Variants in PDE1C observed in about 807,000 individuals in gnomAD.
PDE1C encodes the protein phosphodiesterase 1C, also known as dual specificity calcium/calmodulin-dependent 3',5'-cyclic nucleotide phosphodiesterase 1C.
A neutral mutation model predicts 93.1 loss-of-function variants in PDE1C; 62 were observed. The observed-to-expected ratio is 0.67, with a 90% confidence interval of 0.54 to 0.82. The LOEUF (loss-of-function observed/expected upper bound fraction) is 0.82, where lower values mean the gene tolerates loss of function less well. PDE1C is among the 40% of genes least tolerant of loss of function. PDE1C has a pLI of 0.00. For missense variants in PDE1C, 742 were observed against 884.6 expected, an observed-to-expected ratio of 0.84 and a Z score of 2.04; for synonymous variants, 325 against 310.1, an observed-to-expected ratio of 1.05 and a Z score of -0.50.
chr7:31,970,000 G>C (rs1388669750), intron 2 of PDE1C, among the ~76,000 whole-genome samples: 1 of 152,130 alleles, frequency 6.6e-6, no homozygotes, highest in Admixed American at 6.5e-5. Context: ...TGTGGGGTTG[G>C]GGGAGTGGGG....
intron 2 of PDE1C, among the ~76,000 whole-genome samples, chr7:32,192,672 T>C (rs745345472): frequency 8.5e-5 from 13 of 152,148 alleles, no homozygotes; most frequent in Non-Finnish European, 1.8e-4. Flanking sequence ...TTCTACTTCC[T>C]ACGATTTTCT....
At chr7:32,399,946 G>A (rs117507546) in intron 1 of PDE1C, among the ~76,000 whole-genome samples, 2,054 of 152,206 alleles carry the variant, frequency 0.013, 28 homozygotes, top group Middle Eastern at 0.024. Flanking sequence ...TATATTGTGG[G>A]TTAGGGCTTC....
At chr7:31,735,204 G>A in the PDE1C span, among the ~76,000 whole-genome samples, 1 of 152,154 alleles carries the variant, frequency 6.6e-6, no homozygotes, top group African/African-American at 2.4e-5. Context: ...TTTGAGACCA[G>A]CCTGACCAAC....
At chr7:31,680,080 C>T in the PDE1C span, among the ~76,000 whole-genome samples, 29 of 152,308 alleles carry the variant, frequency 1.9e-4, no homozygotes, top group African/African-American at 7.0e-4. Flanking sequence ...ATATTTTCAG[C>T]ATGTGTCTCA....
chr7:32,420,553 CAA>C (rs35712470), intron 1 of PDE1C, among the ~76,000 whole-genome samples: 1 of 136,026 alleles, frequency 7.4e-6, no homozygotes. Context: ...GGCTCCATCT[CAA>C]AAAAAAAAGG....
chr7:32,237,278 AG>A (rs146580256), intron 1 of PDE1C, among the ~76,000 whole-genome samples: 15,928 of 149,968 alleles, frequency 0.11, 901 homozygotes, highest in East Asian at 0.13. Flanking sequence ...TAATAGAGAC[AG>A]GGTTTCACAG....
At chr7:31,767,881 C>A (rs1426520506) in intron 17 of PDE1C, among the ~76,000 whole-genome samples, 1 of 152,142 alleles carries the variant, frequency 6.6e-6, no homozygotes, top group Non-Finnish European at 1.5e-5. Flanking sequence ...GGTCGTTAAT[C>A]CCATTTGTGA....
intron 1 of PDE1C, among the ~76,000 whole-genome samples, chr7:32,329,625 T>G (rs368809648): frequency 5.9e-5 from 9 of 152,314 alleles, no homozygotes; most frequent in Admixed American, 2.6e-4. Context: ...TGCTAACAAG[T>G]TATCACTTAA....
intron 14 of PDE1C, among the ~76,000 whole-genome samples, chr7:31,821,242 C>G (rs895604473): frequency 6.6e-6 from 1 of 152,088 alleles, no homozygotes; most frequent in African/African-American, 2.4e-5. Flanking sequence ...CTTTGTGCTT[C>G]CAAAATAGTT....
At chr7:31,668,646 G>T in the PDE1C span, among the ~76,000 whole-genome samples, 1 of 152,132 alleles carries the variant, frequency 6.6e-6, no homozygotes, top group Non-Finnish European at 1.5e-5. Flanking sequence ...GAGACAGAAA[G>T]TGGCTTAGCG....
At chr7:31,635,651 T>G in the PDE1C span, among the ~76,000 whole-genome samples, 1 of 152,182 alleles carries the variant, frequency 6.6e-6, no homozygotes, top group African/African-American at 2.4e-5. Flanking sequence ...TTTGGACCAG[T>G]GTATTAGGCC....
At chr7:32,291,718 G>A (rs1812336650) in intron 1 of PDE1C, among the ~76,000 whole-genome samples, 1 of 152,162 alleles carries the variant, frequency 6.6e-6, no homozygotes, top group Admixed American at 6.6e-5. Context: ...ACTCTACAAA[G>A]CATCCATCAC....
chr7:32,181,944 G>A (rs1045465326), intron 2 of PDE1C, among the ~76,000 whole-genome samples: 20 of 152,100 alleles, frequency 1.3e-4, no homozygotes, highest in Non-Finnish European at 2.4e-4. Context: ...TCAAATAGAT[G>A]CAATAAAAAA....
chr7:32,184,286 T>A (rs1803680734), intron 2 of PDE1C, among the ~76,000 whole-genome samples: 1 of 152,290 alleles, frequency 6.6e-6, no homozygotes, highest in South Asian at 2.1e-4. Context: ...GACCCAGCCA[T>A]CCCATTACTG....
chr7:32,095,832 C>A (rs867466003), intron 3 of PDE1C, among the ~76,000 whole-genome samples: 17 of 152,166 alleles, frequency 1.1e-4, no homozygotes, highest in South Asian at 2.1e-4. Context: ...CCTAACTGAA[C>A]ACTGCCTGCA....
the PDE1C span, among the ~76,000 whole-genome samples, chr7:31,627,145 T>C: frequency 1.2e-4 from 19 of 152,194 alleles, no homozygotes; most frequent in African/African-American, 4.3e-4. Context: ...GAGAAGCTCC[T>C]CAATGGCTGG....
the PDE1C span, among the ~76,000 whole-genome samples, chr7:31,735,264 G>C: frequency 6.6e-6 from 1 of 152,106 alleles, no homozygotes; most frequent in African/African-American, 2.4e-5. Flanking sequence ...CAGGCATGGT[G>C]GTGCATGCCT....
Position 31,845,343 on chromosome 7 carries a change from C to T in PDE1C, c.980+2625G>A, listed in dbSNP as rs189726756. ...TATGTCACTTAGATTGTATCCTGAACATTATGGATATAAGTTGTAGGGAAT... is the reference window on the plus strand; with the variant it reads ...TATGTCACTTAGATTGTATCCTGAATATTATGGATATAAGTTGTAGGGAAT... On this transcript the variant is annotated intron_variant, in intron 9 of 17. Transcript: ENST00000396191. Among the ~76,000 whole-genome samples, 348 of 152,214 alleles carry T rather than the reference C, an allele frequency of 2.3e-3. 1 individual carries two copies. Among genetic ancestry groups the T allele is most frequent in the African/African-American group, 8.1e-3 (337 of 41,542 alleles).
At chr7:32,298,635 G>A (rs1219075399) in intron 1 of PDE1C, 2 of 1,595,546 alleles carry the variant, frequency 1.3e-6, no homozygotes, top group Non-Finnish European at 1.7e-6. Flanking sequence ...GTCCGAGAGG[G>A]GTGGAAAGTT....
Sources: allele counts gnomAD v4.1 joint callset (sites outside exome capture counted in the v4.1 genomes callset), GRCh38; gene constraint gnomAD v4.1.1; transcripts MANE v1.5; gene names NCBI Gene and HGNC (gene_info 2026-07-23, HGNC 2026-07-21).